Variants in C1orf87 observed in about 807,000 individuals in gnomAD.
The protein encoded by C1orf87 is chromosome 1 open reading frame 87.
Under a neutral mutation model 60.5 loss-of-function variants are expected in C1orf87, and 58 were observed. That is an observed-to-expected ratio of 0.96 (90% confidence interval 0.78 to 1.19). The LOEUF (loss-of-function observed/expected upper bound fraction) is 1.19. Ranked by LOEUF, C1orf87 falls within the 50% of genes most tolerant of loss-of-function variation. C1orf87 has a pLI of 0.00. For missense variants in C1orf87, 673 were observed against 638.6 expected (o/e 1.05, Z -0.58); for synonymous variants, 236 against 227.4 (o/e 1.04, Z -0.34).
chr1:59,993,899 C>A (rs1644944399), intron 11 of C1orf87, among the ~76,000 whole-genome samples: 1 of 151,886 alleles, frequency 6.6e-6, no homozygotes, highest in South Asian at 2.1e-4. Flanking sequence ...GCTGGGACTA[C>A]AGGTGCCTGC....
At chr1:60,060,476 C>T (rs1481846301) in intron 2 of C1orf87, among the ~76,000 whole-genome samples, 1 of 152,148 alleles carries the variant, frequency 6.6e-6, no homozygotes, top group Non-Finnish European at 1.5e-5. Context: ...ACACACTCCT[C>T]ATCACTCAGG....
At chr1:60,009,241 A>T (rs1475874227) in intron 9 of C1orf87, among the ~76,000 whole-genome samples, 1 of 152,080 alleles carries the variant, frequency 6.6e-6, no homozygotes, top group African/African-American at 2.4e-5. Context: ...AGACAGAAAG[A>T]AGAAGGCCTT....
chr1:60,009,160 G>C (rs898519710), intron 9 of C1orf87, among the ~76,000 whole-genome samples: 9 of 152,080 alleles, frequency 5.9e-5, no homozygotes, highest in Admixed American at 5.9e-4. Flanking sequence ...GATTAGGGCA[G>C]GCCCTACTTG....
chr1:60,037,484 T>C (rs758086534), intron 6 of C1orf87, among the ~76,000 whole-genome samples: 1 of 152,100 alleles, frequency 6.6e-6, no homozygotes, highest in Admixed American at 6.6e-5. Flanking sequence ...CATCATTCTG[T>C]GGTGGAAGGC....
At chr1:59,999,679 A>G (rs1031622408) in intron 10 of C1orf87, among the ~76,000 whole-genome samples, 1 of 152,130 alleles carries the variant, frequency 6.6e-6, no homozygotes, top group Non-Finnish European at 1.5e-5. Flanking sequence ...GATGAAGTTC[A>G]CATTCCTTGG....
At chr1:60,059,148 G>T (rs575726113) in intron 2 of C1orf87, among the ~76,000 whole-genome samples, 2 of 152,194 alleles carry the variant, frequency 1.3e-5, no homozygotes, top group Non-Finnish European at 1.5e-5. Flanking sequence ...GAAACGGCAT[G>T]TGTCTGTGGT....
intron 8 of C1orf87, among the ~76,000 whole-genome samples, chr1:60,019,528 C>A (rs1368724026): frequency 1.3e-5 from 2 of 152,082 alleles, no homozygotes; most frequent in Admixed American, 6.6e-5. Flanking sequence ...GACTTTGGAA[C>A]TGGGTAATGG....
intron 5 of C1orf87, 29 bp from the exon 6 acceptor site, chr1:60,038,136 C>A (rs1645291743): frequency 1.4e-6 from 2 of 1,381,416 alleles, no homozygotes; most frequent in Non-Finnish European, 1.0e-6. Flanking sequence ...ATAGAACATC[C>A]TCATTTAATT....
At chr1:60,001,249 CAA>C in intron 9 of C1orf87, 93 bp from the exon 10 acceptor site, 4 of 855,868 alleles carry the variant, frequency 4.7e-6, no homozygotes, top group Non-Finnish European at 6.7e-6. Context: ...ACAGCAACAA[CAA>C]AAAAATGGAG....
rs1364842223 is a variant in C1orf87, at chr1:59,992,898, T to G, written c.1481-2065A>C. On this transcript the variant is annotated intron_variant, in intron 11 of 11. Coordinates refer to ENST00000371201, the MANE Select transcript of C1orf87 (RefSeq NM_152377.3). ...ATTGCCTATTTATTGTCTGTCTCTC[T>G]TATTAGAACAGTGGTCCTTTCATTT... Among the ~76,000 whole-genome samples the G allele has an allele frequency of 2.6e-5, 4 of 152,218 alleles. No homozygotes were observed. In the East Asian group the frequency reaches 7.7e-4, roughly 29 times the overall value.
intron 8 of C1orf87, among the ~76,000 whole-genome samples, chr1:60,018,255 A>G (rs1296529253): frequency 1.3e-5 from 2 of 152,264 alleles, no homozygotes; most frequent in African/African-American, 4.8e-5. Flanking sequence ...CAACAAAAGA[A>G]GCTTTAGCCA....
chr1:60,045,623 G>C (rs1645360177), intron 3 of C1orf87, among the ~76,000 whole-genome samples: 1 of 152,172 alleles, frequency 6.6e-6, no homozygotes, highest in African/African-American at 2.4e-5. Context: ...AGTGAGCCCA[G>C]ACAGTGTGTT....
At chr1:60,011,840 G>A (rs1327509754) in intron 8 of C1orf87, among the ~76,000 whole-genome samples, 1 of 152,048 alleles carries the variant, frequency 6.6e-6, no homozygotes, top group Non-Finnish European at 1.5e-5. Flanking sequence ...GTCAGGGTAA[G>A]TATCACAATA....
At chr1:60,013,472 C>CT (rs975880352) in intron 8 of C1orf87, among the ~76,000 whole-genome samples, 2 of 151,850 alleles carry the variant, frequency 1.3e-5, no homozygotes, top group African/African-American at 4.8e-5. Flanking sequence ...ATGTTTTGTG[C>CT]TTTTTAAGTT....
intron 10 of C1orf87, among the ~76,000 whole-genome samples, chr1:59,998,703 G>A (rs1033161147): frequency 6.6e-6 from 1 of 152,134 alleles, no homozygotes; most frequent in African/African-American, 2.4e-5. Context: ...TACTATTTGT[G>A]AGAGAAAAAT....
intron 11 of C1orf87, among the ~76,000 whole-genome samples, chr1:59,994,235 G>A (rs1023756021): frequency 6.6e-6 from 1 of 151,922 alleles, no homozygotes; most frequent in Non-Finnish European, 1.5e-5. Context: ...GATCAACAAT[G>A]GGTGGAGTCT....
At chr1:60,044,098 C>T (rs1260020938) in intron 3 of C1orf87, among the ~76,000 whole-genome samples, 1 of 152,168 alleles carries the variant, frequency 6.6e-6, no homozygotes, top group African/African-American at 2.4e-5. Flanking sequence ...GGCGTGATCT[C>T]GGCTCACTGC....
chr1:60,065,460 G>T (rs1261813198), intron 2 of C1orf87, among the ~76,000 whole-genome samples: 1 of 151,982 alleles, frequency 6.6e-6, no homozygotes, highest in African/African-American at 2.4e-5. Flanking sequence ...CCTGCTCAGA[G>T]ACAGCTTCTG....
At chr1:60,022,150 C>G (rs1645168180) in intron 8 of C1orf87, among the ~76,000 whole-genome samples, 1 of 139,418 alleles carries the variant, frequency 7.2e-6, no homozygotes, top group Non-Finnish European at 1.5e-5. Context: ...TAATAACATA[C>G]TCTTGCAGTG....
Sources: allele counts gnomAD v4.1 joint callset (sites outside exome capture counted in the v4.1 genomes callset), GRCh38; gene constraint gnomAD v4.1.1; transcripts MANE v1.5; gene names NCBI Gene and HGNC (gene_info 2026-07-23, HGNC 2026-07-21).